The following DRAXIN variants were observed in gnomAD, a reference collection of about 807,000 sequenced individuals.
The protein encoded by DRAXIN is dorsal repulsive axon guidance protein.
Under a neutral mutation model 33.9 loss-of-function variants are expected in DRAXIN, and 27 were observed. The ratio of observed to expected loss-of-function variants is 0.80; its 90% CI spans 0.59 to 1.10. DRAXIN has a LOEUF of 1.10. Among genes scored for constraint, DRAXIN ranks in the 50% least tolerant of loss-of-function variants. The pLI is 0.00. For missense variants in DRAXIN, 371 were observed against 460.8 expected (o/e 0.81, Z 1.78); for synonymous variants, 178 against 194.0 (o/e 0.92, Z 0.69).
intron 3 of DRAXIN, among the ~76,000 whole-genome samples, 179 bp from the exon 4 acceptor site, chr1:11,711,672 C>T (rs927419404): frequency 2.6e-5 from 4 of 152,168 alleles, no homozygotes; most frequent in African/African-American, 9.7e-5. Context: ...ACCTAGTGGC[C>T]ACTGGAACAG....
chr1:11,703,415 C>G (rs1199748170), intron 1 of DRAXIN, among the ~76,000 whole-genome samples: 2 of 152,088 alleles, frequency 1.3e-5, no homozygotes, highest in African/African-American at 2.4e-5. Flanking sequence ...AAAGTGAGAA[C>G]AGAGAGCCAG....
intron 6 of DRAXIN, among the ~76,000 whole-genome samples, chr1:11,717,686 C>T (rs1396846669): frequency 1.4e-5 from 2 of 146,398 alleles, no homozygotes; most frequent in Non-Finnish European, 3.0e-5. Flanking sequence ...AAAGGGTAGA[C>T]AGAAGTGGGC....
In DRAXIN at chr1:11,704,385, C is replaced by G. The variant is rs1346369793; in HGVS notation, c.-10-1864C>G. Among the ~76,000 whole-genome samples, 1 of 152,120 alleles carries G rather than the reference C, an allele frequency of 6.6e-6. No homozygotes were observed. Among genetic ancestry groups the G allele is most frequent in the Non-Finnish European group, 1.5e-5 (1 of 67,968 alleles). ...TAAATGCCAGCCCAGAGAGCAGCCC[C>G]GCTCCACTGGCCCCGAAGCAGGATT... On this transcript the variant is annotated intron_variant, in intron 1 of 6. Transcript: ENST00000294485. This position sits in a 1 kb window ranked among gnomAD's most constrained non-coding sequence, Gnocchi z 4.6.
chr1:11,693,205 G>A (rs1210548676), intron 1 of DRAXIN, among the ~76,000 whole-genome samples: 1 of 151,806 alleles, frequency 6.6e-6, no homozygotes, highest in African/African-American at 2.4e-5. Context: ...AGGGCCAATG[G>A]GTCACTTTTT....
At chr1:11,700,323 C>T (rs1430406564) in intron 1 of DRAXIN, among the ~76,000 whole-genome samples, 1 of 152,240 alleles carries the variant, frequency 6.6e-6, no homozygotes, top group African/African-American at 2.4e-5. Context: ...ATCAGTTACA[C>T]TCATGGATGT....
chr1:11,693,897 C>T (rs985616278), intron 1 of DRAXIN, among the ~76,000 whole-genome samples: 11 of 152,196 alleles, frequency 7.2e-5, no homozygotes, highest in African/African-American at 2.7e-4. Flanking sequence ...CAGCCTAGCC[C>T]TGTCCTGCCT....
intron 1 of DRAXIN, among the ~76,000 whole-genome samples, chr1:11,702,463 C>T (rs754367928): frequency 1.3e-5 from 2 of 151,708 alleles, no homozygotes; most frequent in Non-Finnish European, 2.9e-5. Context: ...AACACACATA[C>T]ATACCTACAC....
chr1:11,700,582 A>G (rs1221421087), intron 1 of DRAXIN, among the ~76,000 whole-genome samples: 1 of 152,364 alleles, frequency 6.6e-6, no homozygotes, highest in Non-Finnish European at 1.5e-5. Flanking sequence ...ATATTTTTAA[A>G]GTGAAGCTAG....
In DRAXIN at chr1:11,706,724, G is replaced by A. The variant is rs778612745; in HGVS notation, c.451+15G>A. ...GCTGCACCAAGGTAGCTGGAGGGCTGCGAGGGGTGGGGATGGGGGTGATTC... is the reference window on the plus strand; with the variant it reads ...GCTGCACCAAGGTAGCTGGAGGGCTACGAGGGGTGGGGATGGGGGTGATTC... On this transcript the variant is annotated intron_variant, in intron 2 of 6. Transcript: ENST00000294485. The surrounding 1 kb of genome is among the most constrained non-coding windows in gnomAD (Gnocchi z 5.5). 6.5e-7 allele frequency: 1 copy of A among 1,539,910 alleles called. No individual in the cohort carries two copies. The highest frequency in any genetic ancestry group is 2.3e-5 in the East Asian group (1 of 42,692).
At chr1:11,714,891 C>T (rs1283609135) in intron 5 of DRAXIN, among the ~76,000 whole-genome samples, 1 of 152,230 alleles carries the variant, frequency 6.6e-6, no homozygotes, top group Non-Finnish European at 1.5e-5. Flanking sequence ...CATGGTCAAT[C>T]AGTACCCCAT....
At chr1:11,718,027 G>A (rs61773926) in intron 6 of DRAXIN, among the ~76,000 whole-genome samples, 42,633 of 133,810 alleles carry the variant, frequency 0.32, 8,274 homozygotes, top group East Asian at 0.6. Flanking sequence ...AGGGAGGCCC[G>A]GCACGGTGGC....
chr1:11,695,953 A>G (rs1285706385), intron 1 of DRAXIN, among the ~76,000 whole-genome samples: 1 of 152,134 alleles, frequency 6.6e-6, no homozygotes, highest in Non-Finnish European at 1.5e-5. Context: ...TTAAGGTGTG[A>G]GGTCTGGGGT....
chr1:11,695,982 C>T (rs1245554245), intron 1 of DRAXIN, among the ~76,000 whole-genome samples: 3 of 152,186 alleles, frequency 2.0e-5, no homozygotes, highest in Admixed American at 6.5e-5. Context: ...AATCCCAAGG[C>T]TGCTGTCGGA....
intron 1 of DRAXIN, among the ~76,000 whole-genome samples, chr1:11,702,493 C>G (rs2100734083): frequency 6.6e-6 from 1 of 151,668 alleles, no homozygotes; most frequent in East Asian, 1.9e-4. Flanking sequence ...TATTCATGCT[C>G]TCACATGATC....
intron 4 of DRAXIN, 98 bp from the exon 5 acceptor site, chr1:11,712,242 G>A (rs1276907315): frequency 3.6e-6 from 5 of 1,373,362 alleles, no homozygotes; most frequent in African/African-American, 2.8e-5. Flanking sequence ...AAGCCATGCT[G>A]TAGAGTGGTG....
At chr1:11,718,179 G>C (rs1387897298) in intron 6 of DRAXIN, among the ~76,000 whole-genome samples, 2 of 150,860 alleles carry the variant, frequency 1.3e-5, no homozygotes, top group Non-Finnish European at 2.9e-5. Context: ...AGCTGGGTGT[G>C]GTGGCGCATG....
chr1:11,718,535 C>T (rs1171402630), intron 6 of DRAXIN, among the ~76,000 whole-genome samples: 1 of 152,202 alleles, frequency 6.6e-6, no homozygotes, highest in East Asian at 1.9e-4. Context: ...GCAACCAAGG[C>T]GCACTGCAGC....
At chr1:11,712,069 C>A in intron 4 of DRAXIN, 104 bp downstream of exon 4, 3 of 1,138,606 alleles carry the variant, frequency 2.6e-6, no homozygotes, top group Non-Finnish European at 3.9e-6. Flanking sequence ...CTTCAGATGT[C>A]CAAAGGTGGG....
chr1:11,710,690 A>G (rs11121808), intron 3 of DRAXIN, among the ~76,000 whole-genome samples: 53,393 of 148,192 alleles, frequency 0.36, 10,017 homozygotes, highest in East Asian at 0.52. Context: ...CAAGGCGGGC[A>G]GATCACAAGG....
Sources: allele counts gnomAD v4.1 joint callset (sites outside exome capture counted in the v4.1 genomes callset), GRCh38; gene constraint gnomAD v4.1.1; non-coding constraint Gnocchi (gnomAD v3.1); transcripts MANE v1.5; gene names NCBI Gene and HGNC (gene_info 2026-07-23, HGNC 2026-07-21).